The following HERC3 variants were observed in gnomAD, a reference collection of about 807,000 sequenced individuals.
The protein encoded by HERC3 is HECT and RLD domain containing E3 ubiquitin protein ligase 3, also known as probable E3 ubiquitin-protein ligase HERC3.
HERC3 carries 58 observed loss-of-function variants against 129.9 expected under a neutral mutation model. The observed-to-expected ratio is 0.45, with a 90% CI of 0.36 to 0.56. The LOEUF (loss-of-function observed/expected upper bound fraction) is 0.56, where lower values mean the gene tolerates loss of function less well. HERC3 is among the 20% of genes least tolerant of loss of function. The probability of loss-of-function intolerance (pLI) is 0.00; values close to 1 mark genes in which losing one functional copy is unlikely to be tolerated. For missense variants in HERC3, 835 were observed against 1,244.2 expected (o/e 0.67, Z 4.95); for synonymous variants, 430 against 451.0 (o/e 0.95, Z 0.59).
At chr4:88,582,936 TG>T in the HERC3 span, among the ~76,000 whole-genome samples, 22 of 152,188 alleles carry the variant, frequency 1.4e-4, no homozygotes, top group African/African-American at 4.8e-4. Context: ...TTCAACCATC[TG>T]GCTCTTCGAG....
At chr4:88,629,001 C>T (rs564050087) in intron 3 of HERC3, among the ~76,000 whole-genome samples, 11 of 152,178 alleles carry the variant, frequency 7.2e-5, no homozygotes, top group South Asian at 6.2e-4. Context: ...TGGTGAAACC[C>T]GTCTTTACTA....
the HERC3 span, among the ~76,000 whole-genome samples, chr4:88,583,421 C>G: frequency 6.7e-6 from 1 of 149,470 alleles, no homozygotes; most frequent in East Asian, 2.0e-4. Flanking sequence ...AGCCTGGATA[C>G]AGAGTGAGAC....
chr4:88,686,890 A>C (rs925205851), intron 22 of HERC3, 88 bp downstream of exon 22: 6 of 1,054,138 alleles, frequency 5.7e-6, no homozygotes, highest in Non-Finnish European at 8.7e-6. Flanking sequence ...TCTTCAAATC[A>C]TAGAAAAAAG....
At chr4:88,700,090 CT>C (rs34838725) in intron 23 of HERC3, among the ~76,000 whole-genome samples, 40,402 of 144,870 alleles carry the variant, frequency 0.28, 7,836 homozygotes, top group African/African-American at 0.55. Flanking sequence ...TTGAGCCTGG[CT>C]TTTTTTTTTT....
chr4:88,577,155 T>C, the HERC3 span, among the ~76,000 whole-genome samples: 1 of 152,258 alleles, frequency 6.6e-6, no homozygotes. Flanking sequence ...ATCTAAGTTG[T>C]GGATTTGAGC....
At chr4:88,665,094 G>A (rs559821265) in intron 12 of HERC3, among the ~76,000 whole-genome samples, 2 of 152,262 alleles carry the variant, frequency 1.3e-5, no homozygotes, top group Admixed American at 6.5e-5. Context: ...TACCCCTCGA[G>A]CCCTGTGTTA....
chr4:88,686,273 C>T (rs1388335097), intron 21 of HERC3, among the ~76,000 whole-genome samples: 2 of 152,200 alleles, frequency 1.3e-5, no homozygotes, highest in African/African-American at 4.8e-5. Flanking sequence ...TCTGCATTAA[C>T]AAGTAAGCCA....
At chr4:88,588,670 A>G (rs913613685), upstream of HERC3, among the ~76,000 whole-genome samples, 3 of 152,258 alleles carry the variant, frequency 2.0e-5, no homozygotes, top group Admixed American at 6.5e-5. Flanking sequence ...AAGTTTACCA[A>G]GTAAATATTT....
intron 14 of HERC3, among the ~76,000 whole-genome samples, chr4:88,669,305 T>G (rs1253247260): frequency 2.0e-5 from 3 of 152,220 alleles, no homozygotes; most frequent in Non-Finnish European, 4.4e-5. Flanking sequence ...ATGGCTGAGT[T>G]TATTTCCAAC....
At chr4:88,687,133 T>C in intron 22 of HERC3, 84 bp from the exon 23 acceptor site, 1 of 1,013,128 alleles carries the variant, frequency 9.9e-7, no homozygotes, top group Non-Finnish European at 1.5e-6. Context: ...CATTTGTTCC[T>C]AAAGCCTCTC....
intron 11 of HERC3, among the ~76,000 whole-genome samples, chr4:88,663,171 G>A (rs1288039627): frequency 6.6e-6 from 1 of 152,140 alleles, no homozygotes; most frequent in Admixed American, 6.5e-5. Flanking sequence ...ACTAAGTTGT[G>A]GTTATTCCCA....
At chr4:88,673,142 A>G (rs1731790499) in intron 16 of HERC3, among the ~76,000 whole-genome samples, 1 of 152,230 alleles carries the variant, frequency 6.6e-6, no homozygotes, top group African/African-American at 2.4e-5. Context: ...AAGTGGGGAA[A>G]GTCAGTGCCA....
At chr4:88,581,311 T>TA in the HERC3 span, among the ~76,000 whole-genome samples, 2 of 151,616 alleles carry the variant, frequency 1.3e-5, no homozygotes, top group Non-Finnish European at 2.9e-5. Flanking sequence ...ATTATTATTT[T>TA]TTTTTTGAGA....
chr4:88,610,722 C>G (rs1215083377), intron 3 of HERC3, among the ~76,000 whole-genome samples: 1 of 152,128 alleles, frequency 6.6e-6, no homozygotes, highest in African/African-American at 2.4e-5. Flanking sequence ...AGGATTCACC[C>G]TGGGGTAGCA....
chr4:88,684,983 C>T (rs1022173878), intron 21 of HERC3: 1 of 152,122 alleles, frequency 6.6e-6, no homozygotes, highest in Non-Finnish European at 1.5e-5. Context: ...GGCCAACAAA[C>T]GTATGAAAAA....
chr4:88,541,007 A>G, the HERC3 span, among the ~76,000 whole-genome samples: 3 of 152,342 alleles, frequency 2.0e-5, no homozygotes, highest in East Asian at 3.9e-4. Flanking sequence ...TGTAAAGACC[A>G]TCAATACTAG....
intron 3 of HERC3, among the ~76,000 whole-genome samples, chr4:88,641,966 T>C (rs1232479082): frequency 6.6e-6 from 1 of 151,350 alleles, no homozygotes; most frequent in Admixed American, 6.6e-5. Flanking sequence ...CCATCTCTAC[T>C]AAAAATAAAA....
intron 23 of HERC3, among the ~76,000 whole-genome samples, chr4:88,698,312 C>T (rs114712651): frequency 0.017 from 2,512 of 152,226 alleles, 34 homozygotes; most frequent in Non-Finnish European, 0.026. Flanking sequence ...ACCTGGGGTG[C>T]ATGTGTGTGG....
intron 16 of HERC3, among the ~76,000 whole-genome samples, chr4:88,674,985 T>A (rs1382374684): frequency 6.6e-6 from 1 of 152,200 alleles, no homozygotes; most frequent in South Asian, 2.1e-4. Context: ...ATACTACTGA[T>A]ATAGTACAAT....
Sources: gnomAD v4.1 joint callset for allele counts (sites outside exome capture counted in the v4.1 genomes callset) on GRCh38, gnomAD v4.1.1 for gene constraint, MANE v1.5 for transcripts, NCBI Gene and HGNC (gene_info 2026-07-23, HGNC 2026-07-21) for gene names.